Variants in JOSD1 observed in about 807,000 individuals in gnomAD.
JOSD1 encodes Josephin domain containing 1.
Under a neutral mutation model 24.3 loss-of-function variants are expected in JOSD1, and 11 were observed. That is an observed-to-expected ratio of 0.45 (90% confidence interval 0.29 to 0.75). The LOEUF is 0.75. Among genes scored for constraint, JOSD1 ranks in the 30% least tolerant of loss-of-function variants. The pLI, the probability that JOSD1 is intolerant of heterozygous loss-of-function variation, is 0.11. For synonymous variants in JOSD1, 106 were observed against 93.8 expected, an observed-to-expected ratio of 1.13 and a Z score of -0.75; for missense variants, 184 against 253.5, an observed-to-expected ratio of 0.73 and a Z score of 1.86.
rs2092498593 is a variant in JOSD1 at position 38,686,510 on chromosome 22, T to C, written c.*1392A>G. On this transcript the variant is annotated 3_prime_UTR_variant, in exon 5 of 5. Coordinates refer to ENST00000683374, the MANE Select transcript of JOSD1 (RefSeq NM_001360236.2). ...AGACACGCATATGGTATGATACTTATTTCTCCTCTTTTGTTTTCCAAAGTT... is the reference window on the plus strand; with the variant it reads ...AGACACGCATATGGTATGATACTTACTTCTCCTCTTTTGTTTTCCAAAGTT... 2 of 152,218 alleles carry C rather than the reference T, an allele frequency of 1.3e-5. No homozygotes were observed. The highest frequency in any genetic ancestry group is 2.4e-5 in the African/African-American group (1 of 41,444). The allele number at this position is 152,218 out of a possible 1,614,324, so 9.4% of individuals were successfully genotyped here. A position where few individuals can be genotyped will look rare whatever the true frequency, so the allele number is the denominator to read the frequency against.
At chr22:38,689,214 C>T (rs1333066933) in intron 3 of JOSD1, 82 bp downstream of exon 3, 4 of 1,603,088 alleles carry the variant, frequency 2.5e-6, no homozygotes, top group East Asian at 2.2e-5. Flanking sequence ...GCTACCTCCC[C>T]ACTCATGCCA....
intron 4 of JOSD1, among the ~76,000 whole-genome samples, chr22:38,688,733 T>C (rs1310344274): frequency 6.6e-6 from 1 of 152,166 alleles, no homozygotes; most frequent in East Asian, 1.9e-4. Context: ...GCTGGGCATC[T>C]TCCCTACCAA....
intron 2 of JOSD1, among the ~76,000 whole-genome samples, chr22:38,689,947 T>TGTGTGTGTGTGTGTGTGTGTGTGTGTG (rs60712690): frequency 1.4e-5 from 2 of 145,694 alleles, no homozygotes; most frequent in East Asian, 2.0e-4. Flanking sequence ...TGTGTGTGTG[T>TGTGTGTGTGTGTGTGTGTGTGTGTGTG]AGTACTTGAA....
intron 2 of JOSD1, among the ~76,000 whole-genome samples, chr22:38,695,361 T>C (rs910859154): frequency 6.6e-6 from 1 of 152,150 alleles, no homozygotes; most frequent in Non-Finnish European, 1.5e-5. Context: ...GAATGCTAAT[T>C]GTTCACCAAT....
intron 2 of JOSD1, among the ~76,000 whole-genome samples, chr22:38,697,584 G>A (rs944518010): frequency 1.3e-5 from 2 of 152,272 alleles, no homozygotes; most frequent in East Asian, 1.9e-4. Context: ...AGCAGCTGGA[G>A]GAACAGCTAC....
rs1209189300 is a variant in JOSD1 at position 38,685,667 on chromosome 22, G to C, written c.*2235C>G. 6.6e-6 allele frequency: 1 copy of C among 152,572 alleles called. No homozygotes were observed. The highest frequency in any genetic ancestry group is 1.5e-5 in the Non-Finnish European group (1 of 68,030). 9.5% of individuals were successfully genotyped at this position (152,572 alleles called of 1,614,324 possible). On this transcript the variant is annotated 3_prime_UTR_variant, in exon 5 of 5. Transcript: ENST00000683374. The stretch of plus-strand genomic sequence containing the variant: ...TTTGGTTAAACAAAATACATCTTTT[G>C]TAAACAAACGCAGCACAAGGCCAAC...
intron 4 of JOSD1, among the ~76,000 whole-genome samples, chr22:38,688,584 G>A (rs1327366083): frequency 6.6e-6 from 1 of 152,172 alleles, no homozygotes; most frequent in Non-Finnish European, 1.5e-5. Context: ...ATGTTCTTTG[G>A]TCCTGGGGAA....
intron 2 of JOSD1, among the ~76,000 whole-genome samples, chr22:38,693,641 A>G (rs1245487400): frequency 1.3e-5 from 2 of 152,162 alleles, no homozygotes; most frequent in Admixed American, 6.5e-5. Context: ...TTACAGTGGT[A>G]TGATTGTGGC....
At chr22:38,689,874 T>C (rs941809122) in intron 2 of JOSD1, among the ~76,000 whole-genome samples, 7 of 150,696 alleles carry the variant, frequency 4.6e-5, no homozygotes, top group African/African-American at 1.7e-4. Context: ...TAAAAAGTAG[T>C]GAGGCCTACT....
Position 38,700,487 on chromosome 22 carries a change from G to T in JOSD1, c.-500C>A. 1.0e-6 allele frequency: 1 copy of T among 986,238 alleles called. No homozygotes were observed. Among genetic ancestry groups the T allele is most frequent in the South Asian group, 4.7e-5 (1 of 21,446 alleles). The allele number at this position is 986,238 out of a possible 1,614,324, so 61.1% of individuals were successfully genotyped here. A position where few individuals can be genotyped will look rare whatever the true frequency, so the allele number is the denominator to read the frequency against. ...TTAGCGCACGAGTCGAGTAGCTAGC[G>T]CGGGCCGGCAGGCGTGGGACCGCGA... On this transcript the variant is annotated 5_prime_UTR_variant, in exon 2 of 5. Transcript: ENST00000683374.
chr22:38,688,492 ACCT>A (rs1270332793), intron 4 of JOSD1, among the ~76,000 whole-genome samples: 13 of 152,134 alleles, frequency 8.5e-5, no homozygotes, highest in Non-Finnish European at 1.9e-4. Flanking sequence ...CGAACTCCTG[ACCT>A]CAGGTGATCC....
chr22:38,689,177 G>A (rs374758764), intron 3 of JOSD1, 48 bp from the exon 4 acceptor site: 2 of 1,602,184 alleles, frequency 1.2e-6, no homozygotes, highest in African/African-American at 2.7e-5. Context: ...CATTTTCCAA[G>A]GTTCCCTGGC....
intron 2 of JOSD1, among the ~76,000 whole-genome samples, chr22:38,692,914 A>C (rs1438964376): frequency 2.6e-5 from 4 of 152,142 alleles, no homozygotes; most frequent in African/African-American, 9.7e-5. Context: ...TGACCAGTAC[A>C]TGAATGAAGG....
In JOSD1 at chr22:38,687,885, G is replaced by A. The variant is rs376280381; in HGVS notation, c.*17C>T. ...GGACTGAAGGGGCTGAGGCGAGAGG[G>A]AGGTTGGGCAGAACTGTTACACATC... is the stretch of plus-strand genomic sequence containing the variant. On this transcript the variant is annotated 3_prime_UTR_variant, in exon 5 of 5. Transcript: ENST00000683374. The A allele has an allele frequency of 8.9e-6, 14 of 1,566,636 alleles. No individual in the cohort carries two copies. The highest frequency in any genetic ancestry group is 1.4e-5 in the African/African-American group (1 of 73,924).
upstream of JOSD1, chr22:38,700,947 T>C: frequency 2.0e-6 from 2 of 984,326 alleles, no homozygotes; most frequent in Non-Finnish European, 2.4e-6. Context: ...AACTGGGCCG[T>C]GCGGGCGGGC....
chr22:38,699,958 C>T lies in JOSD1; in HGVS notation c.30G>A (p.Lys10=), dbSNP rs1343687990. The T allele has an allele frequency of 1.4e-5, 23 of 1,610,956 alleles. No homozygotes were observed. Among genetic ancestry groups the T allele is most frequent in the Non-Finnish European group, 1.6e-5 (19 of 1,178,384 alleles). The change falls in exon 2 of 5, where the codon AAG becomes AAA. Residue 10 remains lysine (K), a synonymous_variant. Transcript: ENST00000683374. The part of the protein sequence containing the change: MSCVPWKGD[K]AKSESLELPQ... ...GCAGCTCCAATGATTCAGATTTGGC[C>T]TTGTCTCCTTTCCATGGCACACAAC...
intron 2 of JOSD1, among the ~76,000 whole-genome samples, chr22:38,692,800 A>G (rs1313560835): frequency 2.7e-5 from 4 of 149,784 alleles, no homozygotes; most frequent in Non-Finnish European, 5.9e-5. Flanking sequence ...AAAAAAAAAA[A>G]AAAAAGAAAG....
chr22:38,689,050 T>G lies in JOSD1; in HGVS notation c.394A>C (p.Lys132Gln), dbSNP rs759943185. The stretch of plus-strand genomic sequence containing the variant: ...CAGTGCTGCCTTTTGAGGGGCAGTT[T>G]CAGTGGACCCCAGCATAGGCTGGAG... The part of the protein sequence containing the change: ...LPSSLCWGPL[K>Q]LPLKRQHWIC... Residue 132 changes from lysine to glutamine, a missense_variant, in exon 4 of 5, where the codon AAA (lysine) becomes CAA (glutamine). Transcript: ENST00000683374. 2 of 1,614,062 alleles carry G rather than the reference T, an allele frequency of 1.2e-6. No homozygotes were observed. Among genetic ancestry groups the G allele is most frequent in the Non-Finnish European group, 1.7e-6 (2 of 1,180,040 alleles).
intron 2 of JOSD1, among the ~76,000 whole-genome samples, chr22:38,690,651 C>T (rs1445513672): frequency 1.3e-5 from 2 of 152,038 alleles, no homozygotes; most frequent in South Asian, 2.1e-4. Flanking sequence ...GTGATCCACC[C>T]GCCTCAGCCT....
Sources: gnomAD v4.1 joint callset for allele counts (sites outside exome capture counted in the v4.1 genomes callset) on GRCh38, gnomAD v4.1.1 for gene constraint, MANE v1.5 for transcripts, NCBI Gene and HGNC (gene_info 2026-07-23, HGNC 2026-07-21) for gene names.